The following KLHL1 variants were observed in gnomAD, a reference collection of about 807,000 sequenced individuals.
KLHL1 encodes the protein kelch like family member 1, also known as kelch-like protein 1.
KLHL1 carries 47 observed loss-of-function variants against 77.7 expected under a neutral mutation model. The ratio of observed to expected loss-of-function variants is 0.60; its 90% CI spans 0.48 to 0.77. The LOEUF is 0.77. KLHL1 is among the 30% of genes least tolerant of loss of function. KLHL1 has a pLI of 0.00. For synonymous variants in KLHL1, 360 were observed against 325.2 expected, an observed-to-expected ratio of 1.11 and a Z score of -1.15; for missense variants, 925 against 910.8, an observed-to-expected ratio of 1.02 and a Z score of -0.20.
chr13:69,957,096 T>G (rs1212838314), intron 3 of KLHL1, among the ~76,000 whole-genome samples: 2 of 151,680 alleles, frequency 1.3e-5, no homozygotes, highest in Non-Finnish European at 3.0e-5. Context: ...AAAGGCTTAT[T>G]GAAGATTAAA....
intron 5 of KLHL1, among the ~76,000 whole-genome samples, chr13:69,847,404 C>CAAAAAAAAAA (rs11357077): frequency 9.6e-5 from 14 of 145,928 alleles, no homozygotes; most frequent in African/African-American, 1.6e-4. Context: ...ACTGCATTAG[C>CAAAAAAAAAA]AAAAAAAAAA....
At chr13:70,070,038 G>A (rs1381225104) in intron 1 of KLHL1, among the ~76,000 whole-genome samples, 2 of 151,682 alleles carry the variant, frequency 1.3e-5, no homozygotes, top group Admixed American at 1.3e-4. Flanking sequence ...TGTGGTGGCG[G>A]GCACCTGTAG....
At chr13:69,792,226 TAAAAAG>T (rs1332617637) in intron 7 of KLHL1, among the ~76,000 whole-genome samples, 1 of 151,636 alleles carries the variant, frequency 6.6e-6, no homozygotes, top group Non-Finnish European at 1.5e-5. Context: ...AACTCAACAA[TAAAAAG>T]AAAAATAACC....
chr13:69,916,143 G>A lies in KLHL1; in HGVS notation c.1014+23897C>T, dbSNP rs1195388349. 5.2e-3 allele frequency among the ~76,000 whole-genome samples: 797 copies of A among 152,080 alleles called. 7 individuals are homozygous for A. Among genetic ancestry groups the A allele is most frequent in the African/African-American group, 0.019 (769 of 41,504 alleles). On this transcript the variant is annotated intron_variant, in intron 4 of 10. Transcript: ENST00000377844. ...AGGAACACTTTTACACTGTTGGTGG[G>A]ACTGTAAACTAGTTCAACCATTGTG...
intron 7 of KLHL1, among the ~76,000 whole-genome samples, chr13:69,748,606 C>G (rs1314004119): frequency 6.6e-6 from 1 of 151,846 alleles, no homozygotes; most frequent in Admixed American, 6.6e-5. Context: ...CATATCACCA[C>G]CAGTATGACA....
At chr13:69,820,314 A>T (rs569748534) in intron 6 of KLHL1, among the ~76,000 whole-genome samples, 1 of 152,146 alleles carries the variant, frequency 6.6e-6, no homozygotes, top group Non-Finnish European at 1.5e-5. Flanking sequence ...CACTGTGAGT[A>T]ATTACATTAA....
intron 7 of KLHL1, among the ~76,000 whole-genome samples, chr13:69,761,953 T>C (rs888335261): frequency 6.6e-6 from 1 of 152,222 alleles, no homozygotes; most frequent in African/African-American, 2.4e-5. Context: ...AAACCCATAA[T>C]TGTTGAAAGA....
At chr13:69,901,161 T>C (rs919479947) in intron 4 of KLHL1, among the ~76,000 whole-genome samples, 2 of 152,242 alleles carry the variant, frequency 1.3e-5, no homozygotes, top group East Asian at 1.9e-4. Flanking sequence ...ACTGGTTAAA[T>C]GCAAAGACTT....
At position 70,047,289 on chromosome 13, in the gene KLHL1, A is replaced by G. The variant is rs1329058099; in HGVS notation, c.497+59914T>C. On this transcript the variant is annotated intron_variant, in intron 1 of 10. Coordinates refer to ENST00000377844, the MANE Select transcript of KLHL1 (RefSeq NM_020866.3). ...AAGCTTTTGGTTAACTGAAAAAAAA[A>G]AAACCCACAAAGACAAAAACAAAAA... is the stretch of plus-strand genomic sequence containing the variant. Among the ~76,000 whole-genome samples the G allele has an allele frequency of 3.3e-5, 5 of 152,034 alleles. No individual in the cohort carries two copies. In the South Asian group the frequency reaches 1.0e-3, roughly 31 times the overall value.
intron 5 of KLHL1, among the ~76,000 whole-genome samples, chr13:69,855,187 A>G (rs1879837755): frequency 6.6e-6 from 1 of 152,052 alleles, no homozygotes; most frequent in African/African-American, 2.4e-5. Context: ...GTCAAGAACC[A>G]TAAAACAGAC....
At chr13:69,804,055 C>T (rs886643856) in intron 6 of KLHL1, among the ~76,000 whole-genome samples, 2 of 152,114 alleles carry the variant, frequency 1.3e-5, no homozygotes. Flanking sequence ...TTTGTTACAG[C>T]AGCAGTACAG....
intron 1 of KLHL1, among the ~76,000 whole-genome samples, chr13:70,096,423 T>C (rs139236787): frequency 6.6e-6 from 1 of 152,216 alleles, no homozygotes; most frequent in African/African-American, 2.4e-5. Flanking sequence ...ATAGCTTTGA[T>C]TTATATTTCT....
rs536645607 is a variant in KLHL1, at chr13:69,963,239, T to A, written c.681-1795A>T. Among the ~76,000 whole-genome samples, 10 of 152,264 alleles carry A rather than the reference T, an allele frequency of 6.6e-5. No homozygotes were observed. In the South Asian group the frequency reaches 2.1e-3, roughly 32 times the overall value. ...ACCTCACCTAGCATGGGTTCTAAAATGTCTAATTTATGTTTTTCACAAAAT... is the reference window on the plus strand; with the variant it reads ...ACCTCACCTAGCATGGGTTCTAAAAAGTCTAATTTATGTTTTTCACAAAAT... On this transcript the variant is annotated intron_variant, in intron 2 of 10. Coordinates refer to ENST00000377844, the MANE Select transcript of KLHL1 (RefSeq NM_020866.3).
intron 1 of KLHL1, among the ~76,000 whole-genome samples, chr13:70,010,753 G>T (rs943983618): frequency 6.6e-6 from 1 of 151,756 alleles, no homozygotes; most frequent in African/African-American, 2.4e-5. Flanking sequence ...TTAGCTGGGT[G>T]TGGTGGTGGG....
rs1006045315 is a variant in KLHL1 at position 70,048,848 on chromosome 13, G to A, written c.497+58355C>T. On this transcript the variant is annotated intron_variant, in intron 1 of 10. Transcript: ENST00000377844. ...GACCATGGACCAGTACTGGTCTGTG[G>A]GCTGCGGGTTGGGGACCCCTGCTAT... Among the ~76,000 whole-genome samples, 4 of 152,192 alleles carry A rather than the reference G, an allele frequency of 2.6e-5. No homozygotes were observed. In the South Asian group the frequency reaches 6.2e-4, roughly 24 times the overall value.
intron 4 of KLHL1, among the ~76,000 whole-genome samples, chr13:69,930,000 G>A (rs1488761070): frequency 6.6e-6 from 1 of 151,718 alleles, no homozygotes; most frequent in East Asian, 1.9e-4. Flanking sequence ...TTGGGAAGTT[G>A]GTAAATTTTT....
At chr13:69,897,652 G>C (rs1009743207) in intron 4 of KLHL1, among the ~76,000 whole-genome samples, 2 of 152,102 alleles carry the variant, frequency 1.3e-5, no homozygotes, top group Admixed American at 1.3e-4. Flanking sequence ...GGGAAAGGCA[G>C]GCTGTCAGAG....
chr13:69,839,791 A>G (rs1288380713), intron 5 of KLHL1, among the ~76,000 whole-genome samples: 3 of 151,956 alleles, frequency 2.0e-5, no homozygotes, highest in African/African-American at 7.2e-5. Flanking sequence ...TTTAAAGTAT[A>G]TTGTGTCTAT....
Position 70,061,903 on chromosome 13 carries a change from A to G in KLHL1, c.497+45300T>C, listed in dbSNP as rs77225123. ...ATGTAATGATCAAATCAGGGTCATCAGCATGTATATCAACTCAAACATTTT... is the reference window on the plus strand; with the variant it reads ...ATGTAATGATCAAATCAGGGTCATCGGCATGTATATCAACTCAAACATTTT... On this transcript the variant is annotated intron_variant, in intron 1 of 10. Coordinates refer to ENST00000377844, the MANE Select transcript of KLHL1 (RefSeq NM_020866.3). Among the ~76,000 whole-genome samples the G allele has an allele frequency of 6.3e-3, 962 of 152,300 alleles. 5 individuals are homozygous for G. Among genetic ancestry groups the G allele is most frequent in the Non-Finnish European group, 0.011 (737 of 68,030 alleles).
Sources: gnomAD v4.1 joint callset for allele counts (sites outside exome capture counted in the v4.1 genomes callset) on GRCh38, gnomAD v4.1.1 for gene constraint, MANE v1.5 for transcripts, NCBI Gene and HGNC (gene_info 2026-07-23, HGNC 2026-07-21) for gene names.